The following MIB1 variants were observed in gnomAD, a reference collection of about 807,000 sequenced individuals.
MIB1 encodes E3 ubiquitin-protein ligase MIB1.
Under a neutral mutation model 124.5 loss-of-function variants are expected in MIB1, and 278 were observed. The observed-to-expected ratio is 2.23, with a 90% CI of 2.02 to 2.47. The LOEUF is 2.47. Among genes scored for constraint, MIB1 ranks in the 30% most tolerant of loss-of-function variants. The probability of loss-of-function intolerance (pLI) is 0.00; values close to 1 mark genes in which losing one functional copy is unlikely to be tolerated. For synonymous variants in MIB1, 446 were observed against 429.4 expected (o/e 1.04, Z -0.48); for missense variants, 957 against 1,254.4 (o/e 0.76, Z 3.58).
intron 18 of MIB1, among the ~76,000 whole-genome samples, chr18:21,854,408 C>T (rs1299002188): frequency 2.6e-5 from 4 of 152,124 alleles, no homozygotes; most frequent in Non-Finnish European, 5.9e-5. Flanking sequence ...AAACTGGTCT[C>T]ATAAAAGCAG....
At position 21,813,168 on chromosome 18, in the gene MIB1, CTGA is replaced by C. The variant is rs202216041; in HGVS notation, c.1480-2445_1480-2443del. Among the ~76,000 whole-genome samples, 739 of 149,742 alleles carry C rather than the reference CTGA, an allele frequency of 4.9e-3. 7 individuals carry two copies. Among genetic ancestry groups the C allele is most frequent in the African/African-American group, 0.017 (709 of 40,796 alleles). On this transcript the variant is annotated intron_variant, in intron 10 of 20. Coordinates refer to ENST00000261537, the MANE Select transcript of MIB1 (RefSeq NM_020774.4). ...CTAACAACCATACAGTGTTAGTGGC[CTGA>C]TGTTCCCTTTTTTAATGGAAGGTGA... is the stretch of plus-strand genomic sequence containing the variant.
chr18:21,739,995 A>G (rs1353946738), upstream of MIB1, among the ~76,000 whole-genome samples: 1 of 152,014 alleles, frequency 6.6e-6, no homozygotes, highest in Non-Finnish European at 1.5e-5. Flanking sequence ...TTCCTTGGGT[A>G]CATTTTACGT....
At chr18:21,822,774 A>G (rs543251575) in intron 12 of MIB1, among the ~76,000 whole-genome samples, 2 of 152,238 alleles carry the variant, frequency 1.3e-5, no homozygotes, top group South Asian at 4.1e-4. Context: ...ACTCGGAATT[A>G]AAAATAACAA....
rs1220184937 is a variant in MIB1 at position 21,741,953 on chromosome 18, G to A, written c.229+141G>A. On this transcript the variant is annotated intron_variant, in intron 1 of 20. Coordinates refer to ENST00000261537, the MANE Select transcript of MIB1 (RefSeq NM_020774.4). The surrounding 1 kb of genome is among the most constrained non-coding windows in gnomAD (Gnocchi z 5.4). ...GCTGGAGCGAGCGGAAAGGCAAAGC[G>A]CCAAAGGAATTCTAGGTTCCGAACG... 1.2e-5 allele frequency: 9 copies of A among 726,656 alleles called. No individual in the cohort carries two copies. Among genetic ancestry groups the A allele is most frequent in the Non-Finnish European group, 1.1e-5 (5 of 459,848 alleles). 45.0% of individuals were successfully genotyped at this position (726,656 alleles called of 1,614,324 possible).
intron 8 of MIB1, among the ~76,000 whole-genome samples, chr18:21,798,843 A>G (rs1000723739): frequency 6.6e-6 from 1 of 152,118 alleles, no homozygotes; most frequent in Non-Finnish European, 1.5e-5. Context: ...TACTGTGTGT[A>G]CATGTTGTCA....
At chr18:21,843,001 C>A in intron 13 of MIB1, 130 bp from the exon 14 acceptor site, 1 of 596,632 alleles carries the variant, frequency 1.7e-6, no homozygotes, top group South Asian at 2.3e-5. Flanking sequence ...ATGAGAATAA[C>A]ATTGCAGCAG....
intron 12 of MIB1, among the ~76,000 whole-genome samples, chr18:21,830,084 T>G (rs1048774193): frequency 2.0e-5 from 3 of 152,128 alleles, no homozygotes; most frequent in South Asian, 4.1e-4. Flanking sequence ...CTGCAGCTTG[T>G]GATAAAAAGC....
chr18:21,707,633 T>C (rs1257291066), intron 1 of MIB1, among the ~76,000 whole-genome samples: 1 of 152,014 alleles, frequency 6.6e-6, no homozygotes, highest in Non-Finnish European at 1.5e-5. Flanking sequence ...CATCCGAAGA[T>C]CAGAAGGAAC....
chr18:21,743,745 T>A (rs933639314), intron 1 of MIB1, among the ~76,000 whole-genome samples: 1 of 152,238 alleles, frequency 6.6e-6, no homozygotes, highest in Non-Finnish European at 1.5e-5. Context: ...GAATTCTTGG[T>A]ATCAGTAATT....
intron 1 of MIB1, among the ~76,000 whole-genome samples, chr18:21,749,189 C>T (rs1040790197): frequency 1.3e-5 from 2 of 152,090 alleles, no homozygotes; most frequent in Admixed American, 1.3e-4. Context: ...AATAAGGTGA[C>T]ATTTATGTCT....
intron 1 of MIB1, among the ~76,000 whole-genome samples, chr18:21,734,544 T>C (rs2040787295): frequency 6.6e-6 from 1 of 151,592 alleles, no homozygotes; most frequent in South Asian, 2.1e-4. Context: ...TCTTTCTTTC[T>C]TTCTCACAGA....
intron 1 of MIB1, among the ~76,000 whole-genome samples, chr18:21,734,478 T>TTCTCTCTC (rs60128500): frequency 4.0e-5 from 6 of 149,106 alleles, no homozygotes; most frequent in African/African-American, 1.5e-4. Flanking sequence ...CTCTCTCTCT[T>TTCTCTCTC]TCTCTCTCTC....
At chr18:21,832,362 A>C (rs1163506098) in intron 12 of MIB1, among the ~76,000 whole-genome samples, 1 of 152,204 alleles carries the variant, frequency 6.6e-6, no homozygotes, top group African/African-American at 2.4e-5. Context: ...AGATTGAAAT[A>C]GTCATTAACC....
At chr18:21,783,916 T>G (rs1360372827) in intron 6 of MIB1, among the ~76,000 whole-genome samples, 1 of 151,934 alleles carries the variant, frequency 6.6e-6, no homozygotes, top group Non-Finnish European at 1.5e-5. Context: ...TCATTAAAAA[T>G]TTTTTTTGTA....
chr18:21,758,422 A>G (rs1279049308), intron 1 of MIB1, among the ~76,000 whole-genome samples: 2 of 152,176 alleles, frequency 1.3e-5, no homozygotes, highest in African/African-American at 4.8e-5. Flanking sequence ...TTTTTGTTAC[A>G]TTTGATTTGC....
chr18:21,741,685 C>G lies in MIB1; in HGVS notation c.102C>G (p.Gly34=), dbSNP rs754310726. 11 of 1,611,098 alleles carry G rather than the reference C, an allele frequency of 6.8e-6. No homozygotes were observed. The highest frequency in any genetic ancestry group is 1.3e-5 in the African/African-American group (1 of 74,878). ...WKWGKQDGGE[G]HVGTVRSFES... ...GGGGGAAGCAGGACGGCGGCGAGGG[C>G]CATGTGGGCACCGTCCGGAGCTTCG... Residue 34 remains glycine, a synonymous_variant, in exon 1 of 21, where the codon GGC becomes GGG. Transcript: ENST00000261537. The surrounding 1 kb of genome is among the most constrained non-coding windows in gnomAD (Gnocchi z 5.4).
At chr18:21,734,776 G>A (rs911903257) in intron 1 of MIB1, among the ~76,000 whole-genome samples, 21 of 151,738 alleles carry the variant, frequency 1.4e-4, no homozygotes, top group African/African-American at 4.8e-4. Flanking sequence ...TGATCCATCC[G>A]CCTCGGCCTC....
intron 1 of MIB1, among the ~76,000 whole-genome samples, chr18:21,743,133 A>G (rs895979984): frequency 1.3e-5 from 2 of 152,156 alleles, no homozygotes; most frequent in Non-Finnish European, 2.9e-5. Context: ...ACTAGAAGAA[A>G]ATGAAAAGAT....
chr18:21,810,579 A>G (rs892574285), intron 10 of MIB1, among the ~76,000 whole-genome samples: 3 of 151,970 alleles, frequency 2.0e-5, no homozygotes, highest in Admixed American at 6.6e-5. Flanking sequence ...ATTCAGAAAT[A>G]AGCCTTTGCA....
Sources: allele counts gnomAD v4.1 joint callset (sites outside exome capture counted in the v4.1 genomes callset), GRCh38; gene constraint gnomAD v4.1.1; non-coding constraint Gnocchi (gnomAD v3.1); transcripts MANE v1.5; gene names NCBI Gene and HGNC (gene_info 2026-07-23, HGNC 2026-07-21).